The following RASGEF1C variants were observed in gnomAD, a reference collection of about 807,000 sequenced individuals.
RASGEF1C encodes the protein RasGEF domain family member 1C.
Under a neutral mutation model 58.1 loss-of-function variants are expected in RASGEF1C, and 27 were observed. That is an observed-to-expected ratio of 0.46 (90% confidence interval 0.34 to 0.64). RASGEF1C has a LOEUF of 0.64. Ranked by LOEUF, RASGEF1C falls within the 30% of genes least tolerant of loss-of-function variation. The probability of loss-of-function intolerance (pLI) is 0.01; values close to 1 mark genes in which losing one functional copy is unlikely to be tolerated. For missense variants in RASGEF1C, 502 were observed against 605.1 expected (o/e 0.83, Z 1.79); for synonymous variants, 243 against 246.3 (o/e 0.99, Z 0.13).
chr5:180,169,831 T>C (rs1581117745), intron 1 of RASGEF1C, among the ~76,000 whole-genome samples: 1 of 37,502 alleles, frequency 2.7e-5, no homozygotes, highest in South Asian at 7.8e-4. Flanking sequence ...TGGCCCAGCC[T>C]CAGTTCTCCC....
intron 1 of RASGEF1C, among the ~76,000 whole-genome samples, chr5:180,147,657 A>G (rs575463149): frequency 6.6e-6 from 1 of 152,274 alleles, no homozygotes; most frequent in Non-Finnish European, 1.5e-5. Context: ...ATAGTTGGAG[A>G]GGATACTTCA....
At chr5:180,174,587 C>T (rs921075029) in intron 1 of RASGEF1C, among the ~76,000 whole-genome samples, 3 of 147,360 alleles carry the variant, frequency 2.0e-5, no homozygotes, top group Admixed American at 1.4e-4. Flanking sequence ...TGTGTGCGCA[C>T]GTGTGTGTGT....
At chr5:180,119,484 G>A (rs369216471) in intron 7 of RASGEF1C, 36 bp from the exon 8 acceptor site, 223 of 1,523,568 alleles carry the variant, frequency 1.5e-4, no homozygotes, top group Non-Finnish European at 1.7e-4. Flanking sequence ...GTGGTGACAC[G>A]CCTCCACCCT....
At chr5:180,103,196 C>G (rs371762963) in intron 12 of RASGEF1C, among the ~76,000 whole-genome samples, 206 of 152,234 alleles carry the variant, frequency 1.4e-3, no homozygotes, top group South Asian at 7.9e-3. Context: ...TCCTGCCTCA[C>G]CCTCCCGAGT....
chr5:180,194,872 C>T (rs1756237693), intron 1 of RASGEF1C, among the ~76,000 whole-genome samples: 1 of 152,218 alleles, frequency 6.6e-6, no homozygotes, highest in African/African-American at 2.4e-5. Flanking sequence ...TGCTGAGTGA[C>T]CTGCTGCAGC....
At chr5:180,163,136 T>G (rs1240568031) in intron 1 of RASGEF1C, among the ~76,000 whole-genome samples, 3 of 152,006 alleles carry the variant, frequency 2.0e-5, no homozygotes, top group African/African-American at 4.8e-5. Context: ...CCCTTTGGAT[T>G]TTCTAGGTAG....
chr5:180,185,945 A>C (rs75975987), intron 1 of RASGEF1C, among the ~76,000 whole-genome samples: 18 of 152,016 alleles, frequency 1.2e-4, no homozygotes, highest in Non-Finnish European at 2.5e-4. Context: ...AAAAAATGCA[A>C]AAATTAGCCA....
intron 1 of RASGEF1C, among the ~76,000 whole-genome samples, chr5:180,201,977 A>G (rs1462350469): frequency 6.6e-6 from 1 of 152,228 alleles, no homozygotes; most frequent in Non-Finnish European, 1.5e-5. Flanking sequence ...AGATGAACAG[A>G]TGAAGACACA....
chr5:180,127,595 T>G lies in RASGEF1C; in HGVS notation c.714+14A>C. 1.2e-6 allele frequency: 2 copies of G among 1,606,604 alleles called. No individual in the cohort carries two copies. The highest frequency in any genetic ancestry group is 1.7e-6 in the Non-Finnish European group (2 of 1,176,978). On this transcript the variant is annotated intron_variant, in intron 6 of 13. Transcript: ENST00000361132. ...TGAGGCTCACTTTTGGGACAGCCCGTAAGAGCCTCCTACCTTTGTGCTGGC... is the reference window on the plus strand; with the variant it reads ...TGAGGCTCACTTTTGGGACAGCCCGGAAGAGCCTCCTACCTTTGTGCTGGC...
chr5:180,164,422 A>AAT (rs1766989400), intron 1 of RASGEF1C, among the ~76,000 whole-genome samples: 3 of 152,216 alleles, frequency 2.0e-5, no homozygotes, highest in Non-Finnish European at 4.4e-5. Context: ...TATGGGGTAC[A>AAT]ATGTGATGTT....
intron 1 of RASGEF1C, among the ~76,000 whole-genome samples, chr5:180,207,185 T>A (rs1756503027): frequency 6.6e-6 from 1 of 152,176 alleles, no homozygotes; most frequent in Non-Finnish European, 1.5e-5. Flanking sequence ...CCTAGCAGGT[T>A]TTGGTTGGCT....
intron 1 of RASGEF1C, among the ~76,000 whole-genome samples, chr5:180,154,195 T>C (rs1043723638): frequency 1.3e-5 from 2 of 152,124 alleles, no homozygotes; most frequent in African/African-American, 4.8e-5. Flanking sequence ...GTCTGGAGCC[T>C]CAGCTGGCCC....
At position 180,190,444 on chromosome 5, in the gene RASGEF1C, C is replaced by G. The variant is rs368080462; in HGVS notation, c.-7+18584G>C. On this transcript the variant is annotated intron_variant, in intron 1 of 13. Transcript: ENST00000361132. ...GGCGGAGCTTGCAGTGAGCTGAGAT[C>G]GCGCCACTGCACTCCAGACTGGGTG... Among the ~76,000 whole-genome samples, 47 of 130,508 alleles carry G rather than the reference C, an allele frequency of 3.6e-4. No individual in the cohort carries two copies. In the South Asian group the frequency reaches 9.1e-3, roughly 25 times the overall value. The allele number at this position is 130,508 out of a possible 152,430, so 85.6% of individuals were successfully genotyped here.
In RASGEF1C at chr5:180,101,320, T is replaced by G; in HGVS notation, c.*181A>C. 2.0e-5 allele frequency: 13 copies of G among 645,044 alleles called. No homozygotes were observed. The highest frequency in any genetic ancestry group is 5.8e-5 in the East Asian group (2 of 34,576). The allele number at this position is 645,044 out of a possible 1,614,324, so 40.0% of individuals were successfully genotyped here. A position where few individuals can be genotyped will look rare whatever the true frequency, so the allele number is the denominator to read the frequency against. On this transcript the variant is annotated 3_prime_UTR_variant, in exon 14 of 14. Transcript: ENST00000361132. ...GGGTCCTGCCAGGGCCAAAGTCCCATAAAAGGTCTCCTGTGCCCGTATGGC... is the reference window on the plus strand; with the variant it reads ...GGGTCCTGCCAGGGCCAAAGTCCCAGAAAAGGTCTCCTGTGCCCGTATGGC...
At chr5:180,166,650 G>A (rs1581116431) in intron 1 of RASGEF1C, among the ~76,000 whole-genome samples, 1 of 151,894 alleles carries the variant, frequency 6.6e-6, no homozygotes, top group Admixed American at 6.6e-5. Context: ...TGAGTAGCTG[G>A]GGTTACAGGC....
chr5:180,189,195 C>T (rs553366429), intron 1 of RASGEF1C, among the ~76,000 whole-genome samples: 20 of 152,250 alleles, frequency 1.3e-4, no homozygotes, highest in African/African-American at 4.8e-4. Flanking sequence ...ATTTACACTA[C>T]ATAAAAAATG....
chr5:180,121,353 G>T (rs184702395), intron 6 of RASGEF1C, among the ~76,000 whole-genome samples: 1 of 150,108 alleles, frequency 6.7e-6, no homozygotes, highest in Non-Finnish European at 1.5e-5. Context: ...CCGCTCTGTC[G>T]CCCAGGCTGG....
At chr5:180,138,513 G>A (rs969990141) in intron 1 of RASGEF1C, among the ~76,000 whole-genome samples, 1 of 152,130 alleles carries the variant, frequency 6.6e-6, no homozygotes, top group African/African-American at 2.4e-5. Context: ...TTTCCCCCTG[G>A]AGTCCTTGAG....
intron 1 of RASGEF1C, among the ~76,000 whole-genome samples, chr5:180,190,443 TCGCGC>T (rs1561756681): frequency 2.4e-5 from 3 of 127,372 alleles, no homozygotes; most frequent in African/African-American, 8.5e-5. Flanking sequence ...TGAGCTGAGA[TCGCGC>T]CACTGCACTC....
Sources: allele counts gnomAD v4.1 joint callset (sites outside exome capture counted in the v4.1 genomes callset), GRCh38; gene constraint gnomAD v4.1.1; transcripts MANE v1.5; gene names NCBI Gene and HGNC (gene_info 2026-07-23, HGNC 2026-07-21).